RGS6: variants seen among roughly 807,000 people sequenced by gnomAD.
RGS6 encodes regulator of G-protein signaling 6.
In RGS6, 30 loss-of-function variants were observed where a neutral mutation model predicts 78.5. That is an observed-to-expected ratio of 0.38 (90% CI 0.29 to 0.52). RGS6 has a LOEUF of 0.52. Ranked by LOEUF, RGS6 falls within the 20% of genes least tolerant of loss-of-function variation. The probability of loss-of-function intolerance (pLI) is 0.85; values close to 1 mark genes in which losing one functional copy is unlikely to be tolerated. For synonymous variants in RGS6, 206 were observed against 206.0 expected, an observed-to-expected ratio of 1.00 and a Z score of 0.00; for missense variants, 495 against 609.7, an observed-to-expected ratio of 0.81 and a Z score of 1.98.
the RGS6 span, among the ~76,000 whole-genome samples, chr14:71,873,146 G>A: frequency 6.6e-6 from 1 of 152,056 alleles, no homozygotes; most frequent in Non-Finnish European, 1.5e-5. Flanking sequence ...TAATCCTTTG[G>A]GTATATATCC....
intron 17 of RGS6, among the ~76,000 whole-genome samples, chr14:72,557,494 A>T (rs2097597535): frequency 6.6e-6 from 1 of 152,208 alleles, no homozygotes; most frequent in Non-Finnish European, 1.5e-5. Context: ...GCTGAACCCA[A>T]GCCAGGATCC....
the RGS6 span, among the ~76,000 whole-genome samples, chr14:72,614,226 C>A: frequency 6.6e-6 from 1 of 152,218 alleles, no homozygotes; most frequent in Non-Finnish European, 1.5e-5. Flanking sequence ...ATGGAGCCCA[C>A]CTTCTGACCA....
chr14:71,977,493 T>G (rs2094197913), intron 2 of RGS6, among the ~76,000 whole-genome samples: 1 of 146,714 alleles, frequency 6.8e-6, no homozygotes, highest in Non-Finnish European at 1.5e-5. Context: ...CTAGCCAGTT[T>G]TCCCAGCACC....
the RGS6 span, among the ~76,000 whole-genome samples, chr14:71,917,245 T>G: frequency 6.6e-6 from 1 of 152,158 alleles, no homozygotes; most frequent in Non-Finnish European, 1.5e-5. Context: ...AGTATGGAGA[T>G]GTGGGGTGAC....
At chr14:72,165,299 A>G (rs1387490720) in intron 2 of RGS6, among the ~76,000 whole-genome samples, 1 of 152,238 alleles carries the variant, frequency 6.6e-6, no homozygotes, top group East Asian at 1.9e-4. Context: ...ACATCTACCC[A>G]ACAGGTGGAT....
intron 15 of RGS6, among the ~76,000 whole-genome samples, chr14:72,519,005 C>T: frequency 6.6e-6 from 1 of 152,328 alleles, no homozygotes; most frequent in East Asian, 1.9e-4. Flanking sequence ...ATCTATATTC[C>T]AGGCTCTGCG....
At chr14:72,087,508 GATAC>G (rs2153489266) in intron 2 of RGS6, among the ~76,000 whole-genome samples, 1 of 152,128 alleles carries the variant, frequency 6.6e-6, no homozygotes, top group East Asian at 1.9e-4. Context: ...ATAAACTATA[GATAC>G]ATACAACATG....
chr14:72,283,214 T>C (rs781015101), intron 2 of RGS6, among the ~76,000 whole-genome samples: 1 of 152,256 alleles, frequency 6.6e-6, no homozygotes, highest in African/African-American at 2.4e-5. Flanking sequence ...TTGACTATTG[T>C]GAAGAATGCT....
At chr14:71,961,499 A>C (rs1440923002) in intron 1 of RGS6, among the ~76,000 whole-genome samples, 1 of 152,126 alleles carries the variant, frequency 6.6e-6, no homozygotes, top group Non-Finnish European at 1.5e-5. Flanking sequence ...TAACAGATTA[A>C]AGGCACAGAG....
chr14:72,544,770 C>G (rs916971949), intron 17 of RGS6, among the ~76,000 whole-genome samples: 1 of 152,218 alleles, frequency 6.6e-6, no homozygotes, highest in African/African-American at 2.4e-5. Flanking sequence ...TCCCCCTGTT[C>G]CTTCCCCTGC....
intron 2 of RGS6, among the ~76,000 whole-genome samples, chr14:72,181,001 T>A (rs1451810898): frequency 6.6e-6 from 1 of 152,242 alleles, no homozygotes; most frequent in Non-Finnish European, 1.5e-5. Context: ...AAAGCTCTTA[T>A]ATTATAACTC....
At chr14:72,457,295 G>A (rs79850350) in intron 4 of RGS6, among the ~76,000 whole-genome samples, 2,041 of 152,252 alleles carry the variant, frequency 0.013, 44 homozygotes, top group African/African-American at 0.047. Context: ...GTCAGAGCTC[G>A]TGAAATTAAT....
chr14:72,254,618 A>G lies in RGS6; in HGVS notation c.85-97477A>G, dbSNP rs566006598. Reference sequence around the variant, plus strand: ...TGGGAACCCCTCTGCAGCTACTCTGATCACCACTGATATTTCTAGAAAGTT... The same window carrying G: ...TGGGAACCCCTCTGCAGCTACTCTGGTCACCACTGATATTTCTAGAAAGTT... On this transcript the variant is annotated intron_variant, in intron 2 of 17. Transcript: ENST00000553525. Among the ~76,000 whole-genome samples, 12 of 152,188 alleles carry G rather than the reference A, an allele frequency of 7.9e-5. No homozygotes were observed. The East Asian group carries it at 2.1e-3, about 27-fold the overall frequency.
chr14:72,280,810 G>A (rs1458992989), intron 2 of RGS6, among the ~76,000 whole-genome samples: 1 of 152,180 alleles, frequency 6.6e-6, no homozygotes, highest in African/African-American at 2.4e-5. Flanking sequence ...TGTTAAAGGT[G>A]AGACTGAGTC....
chr14:71,926,929 T>G, the RGS6 span, among the ~76,000 whole-genome samples: 2 of 152,358 alleles, frequency 1.3e-5, no homozygotes, highest in South Asian at 4.1e-4. Flanking sequence ...TGCCTGTCAT[T>G]GATTCTAATC....
chr14:71,958,324 CTG>C (rs376021610), intron 1 of RGS6, among the ~76,000 whole-genome samples: 16 of 152,312 alleles, frequency 1.1e-4, no homozygotes, highest in African/African-American at 2.9e-4. Flanking sequence ...GGCTGACAAA[CTG>C]TGTTACTTTG....
At chr14:72,203,724 G>T (rs1195293912) in intron 2 of RGS6, among the ~76,000 whole-genome samples, 1 of 151,860 alleles carries the variant, frequency 6.6e-6, no homozygotes, top group Non-Finnish European at 1.5e-5. Flanking sequence ...CAGTGTTTTT[G>T]TTTTCACTGG....
the RGS6 span, among the ~76,000 whole-genome samples, chr14:71,921,704 G>T: frequency 6.6e-6 from 1 of 152,158 alleles, no homozygotes; most frequent in Non-Finnish European, 1.5e-5. Context: ...CCAGAGGGTG[G>T]GGAGATGGGA....
At chr14:72,385,030 G>A (rs1204134864) in intron 3 of RGS6, among the ~76,000 whole-genome samples, 2 of 152,136 alleles carry the variant, frequency 1.3e-5, no homozygotes, top group Non-Finnish European at 2.9e-5. Flanking sequence ...GATTACAGGC[G>A]TGAGCCATGG....
Sources: allele counts gnomAD v4.1 joint callset (sites outside exome capture counted in the v4.1 genomes callset), GRCh38; gene constraint gnomAD v4.1.1; transcripts MANE v1.5; gene names NCBI Gene and HGNC (gene_info 2026-07-23, HGNC 2026-07-21).